ZCCHC7: variants seen among roughly 807,000 people sequenced by gnomAD.
The protein encoded by ZCCHC7 is zinc finger CCHC domain-containing protein 7.
In ZCCHC7, 35 loss-of-function variants were observed where a neutral mutation model predicts 52.0. That is an observed-to-expected ratio of 0.67 (90% CI 0.51 to 0.89). The LOEUF is 0.89. ZCCHC7 is among the 40% of genes least tolerant of loss of function. The probability of loss-of-function intolerance (pLI) is 0.00; values close to 1 mark genes in which losing one functional copy is unlikely to be tolerated. For synonymous variants in ZCCHC7, 217 were observed against 221.5 expected, an observed-to-expected ratio of 0.98 and a Z score of 0.18; for missense variants, 574 against 649.1, an observed-to-expected ratio of 0.88 and a Z score of 1.26.
intron 2 of ZCCHC7, among the ~76,000 whole-genome samples, chr9:37,252,710 T>TA (rs1349653763): frequency 3.9e-5 from 6 of 152,170 alleles, no homozygotes; most frequent in Non-Finnish European, 8.8e-5. Context: ...AAGTCACCCT[T>TA]ACGTCAGTCA....
chr9:37,287,332 A>T (rs993054265), intron 2 of ZCCHC7, among the ~76,000 whole-genome samples: 1 of 152,090 alleles, frequency 6.6e-6, no homozygotes, highest in Non-Finnish European at 1.5e-5. Context: ...AAAAGTATAC[A>T]GTCAACTAGG....
intron 2 of ZCCHC7, among the ~76,000 whole-genome samples, chr9:37,269,090 A>AGGG (rs1827260169): frequency 1.3e-5 from 2 of 152,220 alleles, no homozygotes; most frequent in Non-Finnish European, 2.9e-5. Flanking sequence ...ATCTACTAGA[A>AGGG]GGGATGAATT....
At chr9:37,239,216 T>C (rs968189314) in intron 2 of ZCCHC7, among the ~76,000 whole-genome samples, 1 of 152,200 alleles carries the variant, frequency 6.6e-6, no homozygotes, top group Non-Finnish European at 1.5e-5. Flanking sequence ...AAAATAATTA[T>C]TAACTGGCTA....
intron 2 of ZCCHC7, among the ~76,000 whole-genome samples, chr9:37,260,535 C>G (rs1411300790): frequency 6.6e-6 from 1 of 152,176 alleles, no homozygotes; most frequent in African/African-American, 2.4e-5. Flanking sequence ...TGAGAGCAAG[C>G]CCATGTGTGA....
At chr9:37,120,410 C>T (rs2132649084), upstream of ZCCHC7, 1 of 391,314 alleles carries the variant, frequency 2.6e-6, no homozygotes, top group Admixed American at 4.5e-5. Context: ...ATGGGCGGGG[C>T]AGAGAACGGT....
chr9:37,130,940 C>T (rs1474013229), intron 2 of ZCCHC7, among the ~76,000 whole-genome samples: 1 of 152,182 alleles, frequency 6.6e-6, no homozygotes, highest in Non-Finnish European at 1.5e-5. Context: ...ACATATTTTA[C>T]ATTTACTATT....
intron 2 of ZCCHC7, among the ~76,000 whole-genome samples, chr9:37,280,482 G>A (rs1554723494): frequency 6.6e-6 from 1 of 152,010 alleles, no homozygotes; most frequent in Middle Eastern, 3.4e-3. Context: ...CATATATATG[G>A]TGGACCATAA....
intron 2 of ZCCHC7, among the ~76,000 whole-genome samples, chr9:37,175,353 G>T (rs1207586808): frequency 6.6e-6 from 1 of 152,020 alleles, no homozygotes; most frequent in Non-Finnish European, 1.5e-5. Flanking sequence ...CTCTAGCTTC[G>T]ATTTTCTGTG....
intron 2 of ZCCHC7, among the ~76,000 whole-genome samples, chr9:37,267,790 C>T (rs895713765): frequency 7.9e-5 from 12 of 151,920 alleles, no homozygotes; most frequent in African/African-American, 2.4e-4. Flanking sequence ...AGGATGGTCT[C>T]GATCTCCTGA....
chr9:37,324,723 C>T (rs1830173284), intron 5 of ZCCHC7, among the ~76,000 whole-genome samples: 1 of 152,142 alleles, frequency 6.6e-6, no homozygotes, highest in African/African-American at 2.4e-5. Context: ...TTCTCCTGTG[C>T]TGTGTTCCCA....
chr9:37,216,741 C>A (rs972051419), intron 2 of ZCCHC7, among the ~76,000 whole-genome samples: 3 of 152,036 alleles, frequency 2.0e-5, no homozygotes, highest in African/African-American at 7.2e-5. Flanking sequence ...TTGCCCATGG[C>A]ATAATGTTGA....
At chr9:37,295,064 A>G (rs2133655670) in intron 2 of ZCCHC7, among the ~76,000 whole-genome samples, 1 of 152,320 alleles carries the variant, frequency 6.6e-6, no homozygotes, top group Admixed American at 6.5e-5. Flanking sequence ...AAAGATAGAA[A>G]TTACACAGTT....
intron 6 of ZCCHC7, among the ~76,000 whole-genome samples, chr9:37,344,368 A>C (rs1412174860): frequency 6.6e-6 from 1 of 152,080 alleles, no homozygotes; most frequent in Non-Finnish European, 1.5e-5. Flanking sequence ...ACTTAAAACA[A>C]ATCCGATATT....
intron 5 of ZCCHC7, among the ~76,000 whole-genome samples, chr9:37,321,029 C>T (rs1339150418): frequency 2.8e-5 from 4 of 141,764 alleles, no homozygotes. Flanking sequence ...CACTCTGTTG[C>T]CCAGGCTGGA....
chr9:37,330,365 C>G (rs1394249820), intron 6 of ZCCHC7, among the ~76,000 whole-genome samples: 3 of 151,560 alleles, frequency 2.0e-5, no homozygotes, highest in Non-Finnish European at 4.4e-5. Flanking sequence ...CAGCTAGACT[C>G]GACTACATTA....
chr9:37,299,233 T>C (rs879276176), intron 2 of ZCCHC7, among the ~76,000 whole-genome samples: 11 of 152,222 alleles, frequency 7.2e-5, no homozygotes, highest in Non-Finnish European at 1.5e-4. Context: ...TGAGTGTTCC[T>C]GGGCCGTATG....
intron 6 of ZCCHC7, among the ~76,000 whole-genome samples, chr9:37,341,759 G>A (rs1014405002): frequency 6.6e-6 from 1 of 152,084 alleles, no homozygotes; most frequent in Non-Finnish European, 1.5e-5. Context: ...TGAAGGAAGT[G>A]AAGGAGTGCA....
intron 5 of ZCCHC7, among the ~76,000 whole-genome samples, chr9:37,306,800 T>TTTTTTTTTTTTTTTG (rs1829345731): frequency 1.2e-5 from 1 of 81,326 alleles, no homozygotes; most frequent in African/African-American, 5.4e-5. Flanking sequence ...TTTTTTTTTT[T>TTTTTTTTTTTTTTTG]TTTTGGAGAC....
intron 2 of ZCCHC7, among the ~76,000 whole-genome samples, chr9:37,294,605 TA>T (rs1479995751): frequency 2.0e-5 from 3 of 152,208 alleles, no homozygotes; most frequent in Non-Finnish European, 4.4e-5. Context: ...AGAACTGTCT[TA>T]CTGAATTTTT....
Sources: gnomAD v4.1 joint callset for allele counts (sites outside exome capture counted in the v4.1 genomes callset) on GRCh38, gnomAD v4.1.1 for gene constraint, MANE v1.5 for transcripts, NCBI Gene and HGNC (gene_info 2026-07-23, HGNC 2026-07-21) for gene names.